The following ZFP91 variants were observed in gnomAD, a reference collection of about 807,000 sequenced individuals.
ZFP91 encodes ZFP91 zinc finger protein, atypical E3 ubiquitin ligase, also known as E3 ubiquitin-protein ligase ZFP91.
Under a neutral mutation model 63.5 loss-of-function variants are expected in ZFP91, and 7 were observed. The observed-to-expected ratio is 0.11, with a 90% CI of 0.06 to 0.21. The LOEUF is 0.21. ZFP91 is among the 10% of genes least tolerant of loss of function. The pLI, the probability that ZFP91 is intolerant of heterozygous loss-of-function variation, is 1.00. For synonymous variants in ZFP91, 330 were observed against 272.1 expected (o/e 1.21, Z -2.10); for missense variants, 628 against 736.6 (o/e 0.85, Z 1.71).
At position 58,620,538 on chromosome 11, in the gene ZFP91, A is replaced by G. The variant is rs1029153848; in HGVS notation, c.*2832A>G. 5 of 152,458 alleles carry G rather than the reference A, an allele frequency of 3.3e-5. No individual in the cohort carries two copies. Among genetic ancestry groups the G allele is most frequent in the African/African-American group, 1.2e-4 (5 of 41,402 alleles). The allele number at this position is 152,458 out of a possible 1,614,324, so 9.4% of individuals were successfully genotyped here. ...CCCAAGGTTGTTTTGCGTAACTGAGACTCCTTGATATGCTTCAGAGAATTT... is the reference window on the plus strand; with the variant it reads ...CCCAAGGTTGTTTTGCGTAACTGAGGCTCCTTGATATGCTTCAGAGAATTT... On this transcript the variant is annotated 3_prime_UTR_variant, in exon 11 of 11. Transcript: ENST00000316059.
At chr11:58,587,330 A>G (rs1855228611) in intron 2 of ZFP91, among the ~76,000 whole-genome samples, 1 of 152,202 alleles carries the variant, frequency 6.6e-6, no homozygotes. Flanking sequence ...AATCAAATAA[A>G]TGAAGAAGTC....
In ZFP91 at chr11:58,607,966, A is replaced by G. The variant is rs532043874; in HGVS notation, c.371-1864A>G. Among the ~76,000 whole-genome samples the G allele has an allele frequency of 2.0e-4, 31 of 152,068 alleles. No homozygotes were observed. In the East Asian group the frequency reaches 3.7e-3, roughly 18 times the overall value. ...GTTTATATTTCTAGGGCATATACTT[A>G]AAGGTGAAATTACTACACATATTTT... is the stretch of plus-strand genomic sequence containing the variant. On this transcript the variant is annotated intron_variant, in intron 2 of 10. Coordinates refer to ENST00000316059, the MANE Select transcript of ZFP91 (RefSeq NM_053023.5).
intron 1 of ZFP91, among the ~76,000 whole-genome samples, chr11:58,584,394 C>G (rs765514457): frequency 3.3e-5 from 5 of 152,030 alleles, no homozygotes; most frequent in Admixed American, 6.5e-5. Flanking sequence ...TGTCCATCCT[C>G]CCTGTTTTGG....
At chr11:58,609,526 A>G (rs1386711341) in intron 2 of ZFP91, among the ~76,000 whole-genome samples, 1 of 152,198 alleles carries the variant, frequency 6.6e-6, no homozygotes, top group African/African-American at 2.4e-5. Flanking sequence ...ACTTAGATCT[A>G]AAAGGTAGAA....
intron 2 of ZFP91, among the ~76,000 whole-genome samples, chr11:58,606,687 T>C (rs1325376864): frequency 6.6e-6 from 1 of 152,046 alleles, no homozygotes; most frequent in Non-Finnish European, 1.5e-5. Context: ...TGTCCATGAG[T>C]ACCTAATGTT....
intron 2 of ZFP91, among the ~76,000 whole-genome samples, chr11:58,588,551 A>C (rs183556858): frequency 1.7e-4 from 26 of 152,278 alleles, no homozygotes; most frequent in African/African-American, 6.0e-4. Context: ...AACAGTTTTC[A>C]TAGATTTCAA....
chr11:58,617,711 C>T lies in ZFP91; in HGVS notation c.*5C>T. 6.7e-7 allele frequency: 1 copy of T among 1,491,016 alleles called. No individual in the cohort carries two copies. Among genetic ancestry groups the T allele is most frequent in the African/African-American group, 1.4e-5 (1 of 70,720 alleles). 92.4% of individuals were successfully genotyped at this position (1,491,016 alleles called of 1,614,324 possible). On this transcript the variant is annotated 3_prime_UTR_variant, in exon 11 of 11. Coordinates refer to ENST00000316059, the MANE Select transcript of ZFP91 (RefSeq NM_053023.5). This position sits in a 1 kb window ranked among gnomAD's most constrained non-coding sequence, Gnocchi z 4.2. ...TCAGACTCTGCCGGACCTTAGTGGA[C>T]AGGAAGACTTGGGGCATGGGACAGC...
At chr11:58,596,682 C>T (rs1855409512) in intron 2 of ZFP91, among the ~76,000 whole-genome samples, 1 of 150,546 alleles carries the variant, frequency 6.6e-6, no homozygotes, top group Non-Finnish European at 1.5e-5. Flanking sequence ...AAGGCTTCAC[C>T]ATCACCACCC....
chr11:58,611,169 A>G (rs1855655138), intron 5 of ZFP91, 115 bp downstream of exon 5: 4 of 783,992 alleles, frequency 5.1e-6, no homozygotes, highest in Non-Finnish European at 4.0e-6. Context: ...ATTTTAAATG[A>G]GTAATTAATT....
At chr11:58,581,781 A>G (rs1426192315) in intron 1 of ZFP91, among the ~76,000 whole-genome samples, 1 of 152,234 alleles carries the variant, frequency 6.6e-6, no homozygotes, top group African/African-American at 2.4e-5. Context: ...CTTTAATTCC[A>G]TATAACTGTT....
At chr11:58,612,376 G>C (rs769337242) in intron 7 of ZFP91, 48 bp downstream of exon 7, 1 of 1,581,336 alleles carries the variant, frequency 6.3e-7, no homozygotes, top group South Asian at 1.1e-5. Flanking sequence ...CCAGTACCAG[G>C]CACTTTACTC....
chr11:58,593,253 A>G (rs1385629780), intron 2 of ZFP91, among the ~76,000 whole-genome samples: 3 of 152,228 alleles, frequency 2.0e-5, no homozygotes, highest in Admixed American at 6.5e-5. Flanking sequence ...CTCTAAGTTT[A>G]TCTGTCTGTC....
At chr11:58,611,897 G>A in intron 6 of ZFP91, 159 bp downstream of exon 6, 1 of 739,562 alleles carries the variant, frequency 1.4e-6, no homozygotes, top group Admixed American at 3.1e-5. Context: ...CAATTTCACT[G>A]GAGAGACTCT....
intron 2 of ZFP91, among the ~76,000 whole-genome samples, chr11:58,587,824 A>C (rs1026052569): frequency 6.6e-6 from 1 of 152,252 alleles, no homozygotes; most frequent in African/African-American, 2.4e-5. Flanking sequence ...GAGGAATAAT[A>C]GTTAAAACTG....
intron 6 of ZFP91, chr11:58,612,058 G>A (rs2509921): frequency 0.024 from 13,776 of 573,482 alleles, 455 homozygotes; most frequent in African/African-American, 0.12. Flanking sequence ...TTTATGGAAG[G>A]TATATATTTA....
At position 58,612,857 on chromosome 11, in the gene ZFP91, T is replaced by A; in HGVS notation, c.987+17T>A. On this transcript the variant is annotated intron_variant, in intron 8 of 10. Coordinates refer to ENST00000316059, the MANE Select transcript of ZFP91 (RefSeq NM_053023.5). ...TATTTGCAGGTCAGTGAAGTTGTTATATAAGAGCCTTTCAGGTTGTGTTCC... is the reference window on the plus strand; with the variant it reads ...TATTTGCAGGTCAGTGAAGTTGTTAAATAAGAGCCTTTCAGGTTGTGTTCC... 6.2e-7 allele frequency: 1 copy of A among 1,602,474 alleles called. No individual in the cohort carries two copies. Among genetic ancestry groups the A allele is most frequent in the South Asian group, 1.1e-5 (1 of 88,958 alleles).
In ZFP91 at chr11:58,609,747, A is replaced by G. The variant is rs903601950; in HGVS notation, c.371-83A>G. Reference sequence around the variant, plus strand: ...TTTGAAAATATTTAATTTATCTTCAACTGTATTTACAATTAGTAGATATAC... The same window carrying G: ...TTTGAAAATATTTAATTTATCTTCAGCTGTATTTACAATTAGTAGATATAC... On this transcript the variant is annotated intron_variant, in intron 2 of 10. Coordinates refer to ENST00000316059, the MANE Select transcript of ZFP91 (RefSeq NM_053023.5). 6.0e-6 allele frequency: 7 copies of G among 1,160,726 alleles called. No homozygotes were observed. The South Asian group carries it at 9.8e-5, about 16-fold the overall frequency. The allele number at this position is 1,160,726 out of a possible 1,614,324, so 71.9% of individuals were successfully genotyped here. A position where few individuals can be genotyped will look rare whatever the true frequency, so the allele number is the denominator to read the frequency against.
chr11:58,612,467 G>T, intron 7 of ZFP91, 139 bp downstream of exon 7: 1 of 750,920 alleles, frequency 1.3e-6, no homozygotes. Context: ...TGTCCTAGAT[G>T]CACAGGTGTT....
chr11:58,591,563 A>G (rs542326928), intron 2 of ZFP91, among the ~76,000 whole-genome samples: 9 of 152,260 alleles, frequency 5.9e-5, no homozygotes, highest in South Asian at 2.1e-4. Context: ...CTTCACCCTA[A>G]TAATGTCCTT....
Sources: allele counts gnomAD v4.1 joint callset (sites outside exome capture counted in the v4.1 genomes callset), GRCh38; gene constraint gnomAD v4.1.1; non-coding constraint Gnocchi (gnomAD v3.1); transcripts MANE v1.5; gene names NCBI Gene and HGNC (gene_info 2026-07-23, HGNC 2026-07-21).